The following ATP8B1 variants were observed in gnomAD, a reference collection of about 807,000 sequenced individuals.
ATP8B1 encodes the protein ATPase phospholipid transporting 8B1.
A neutral mutation model predicts 149.9 loss-of-function variants in ATP8B1; 80 were observed. That is an observed-to-expected ratio of 0.53 (90% CI 0.45 to 0.64). ATP8B1 has a LOEUF of 0.64. ATP8B1 is among the 30% of genes least tolerant of loss of function. The probability of loss-of-function intolerance (pLI) is 0.00; values close to 1 mark genes in which losing one functional copy is unlikely to be tolerated. For synonymous variants in ATP8B1, 536 were observed against 562.8 expected (o/e 0.95, Z 0.67); for missense variants, 1,247 against 1,552.6 (o/e 0.80, Z 3.31).
intron 24 of ATP8B1, 86 bp downstream of exon 24, chr18:57,653,906 G>A: frequency 8.3e-7 from 1 of 1,206,260 alleles, no homozygotes; most frequent in Non-Finnish European, 1.2e-6. Context: ...GTAAACACCA[G>A]AAGAATGCAT....
At chr18:57,690,483 A>G (rs1912478233) in intron 12 of ATP8B1, among the ~76,000 whole-genome samples, 1 of 152,230 alleles carries the variant, frequency 6.6e-6, no homozygotes, top group Non-Finnish European at 1.5e-5. Context: ...CACATGACAT[A>G]CCTTTATATA....
At chr18:57,664,288 G>T (rs924013959) in intron 20 of ATP8B1, among the ~76,000 whole-genome samples, 5 of 151,444 alleles carry the variant, frequency 3.3e-5, no homozygotes, top group African/African-American at 4.9e-5. Context: ...GGGCAGATCA[G>T]TCGAGGTCAG....
intron 1 of ATP8B1, among the ~76,000 whole-genome samples, chr18:57,748,043 A>C (rs2079980610): frequency 1.3e-5 from 2 of 152,146 alleles, no homozygotes; most frequent in African/African-American, 4.8e-5. Flanking sequence ...GAACAGGTCA[A>C]ATATAAGGAG....
Position 57,685,204 on chromosome 18 carries a change from G to A in ATP8B1, c.1430-89C>T, listed in dbSNP as rs319459. The A allele has an allele frequency of 1, 1,429,603 of 1,435,686 alleles. 711,885 individuals carry two copies. Among genetic ancestry groups the A allele is most frequent in the Non-Finnish European group, 1 (1,017,546 of 1,017,704 alleles). The allele number at this position is 1,435,686 out of a possible 1,614,324, so 88.9% of individuals were successfully genotyped here. On this transcript the variant is annotated intron_variant, in intron 13 of 27. Transcript: ENST00000648908. The stretch of plus-strand genomic sequence containing the variant: ...TGGCTTTGCTTATATAGTGATGGTG[G>A]TAAGACCATATACGGCCTGGACAGG...
chr18:57,775,010 A>C (rs962629029), intron 1 of ATP8B1, among the ~76,000 whole-genome samples: 10 of 152,154 alleles, frequency 6.6e-5, no homozygotes, highest in African/African-American at 1.7e-4. Flanking sequence ...GGAGATGAGA[A>C]AGAGAAGGAA....
chr18:57,778,273 T>C (rs2080326514), intron 1 of ATP8B1, among the ~76,000 whole-genome samples: 1 of 150,380 alleles, frequency 6.6e-6, no homozygotes, highest in Non-Finnish European at 1.5e-5. Flanking sequence ...TCGCCCAGGC[T>C]GGAGTGCAGT....
At position 57,684,111 on chromosome 18, in the gene ATP8B1, C is replaced by T. The variant is rs763527501; in HGVS notation, c.1555G>A (p.Gly519Arg). The change falls in exon 15 of 28, where the codon GGG becomes AGG. Residue 519 changes from glycine to arginine, a missense_variant. Gly to Arg is a moderately radical substitution (Grantham distance 125). Around this residue, in one of 3 missense-constraint regions of ATP8B1, gnomAD observed 853 missense variants for 1,035.7 expected, o/e 0.82. Transcript: ENST00000648908. ...DHYLIEQIQS[G>R]KEPEVRQFFF... ...AACTGTCGTACTTCTGGCTCTTTCC[C>T]TGACTGGATTTGCTCAATAAGATAG... The T allele has an allele frequency of 1.2e-6, 2 of 1,614,168 alleles. No individual in the cohort carries two copies. The highest frequency in any genetic ancestry group is 2.2e-5 in the South Asian group (2 of 91,080).
In ATP8B1 at chr18:57,694,546, C is replaced by T. The variant is rs319444; in HGVS notation, c.1029+36G>A. 22,069 of 1,338,278 alleles carry T rather than the reference C, an allele frequency of 0.016. 216 individuals carry two copies. Among genetic ancestry groups the T allele is most frequent in the Non-Finnish European group, 0.019 (17,936 of 933,122 alleles). The allele number at this position is 1,338,278 out of a possible 1,614,324, so 82.9% of individuals were successfully genotyped here. ...TAATATTAGTGCAAAAGACAGCAAT[C>T]TAGATGAGAGATCTACTGAGATGAA... On this transcript the variant is annotated intron_variant, in intron 11 of 27. Transcript: ENST00000648908.
At chr18:57,732,197 G>GTGTATATA (rs2079781854) in intron 1 of ATP8B1, among the ~76,000 whole-genome samples, 2 of 37,436 alleles carry the variant, frequency 5.3e-5, no homozygotes, top group Non-Finnish European at 1.1e-4. Flanking sequence ...ATGTATATAT[G>GTGTATATA]TGTATATATG....
rs369552478 is a variant in ATP8B1 at position 57,717,011 on chromosome 18, TAAG to T, written c.182-10427_182-10425del. Reference sequence around the variant, plus strand: ...AATGAGTAAAACTAGAAATCAATAATAAGAGGAATTTTGGAAACTATACAAAAA... The same window carrying T: ...AATGAGTAAAACTAGAAATCAATAATAGGAATTTTGGAAACTATACAAAAA... On this transcript the variant is annotated intron_variant, in intron 2 of 27. Coordinates refer to ENST00000648908, the MANE Select transcript of ATP8B1 (RefSeq NM_001374385.1). Among the ~76,000 whole-genome samples the T allele has an allele frequency of 2.0e-4, 31 of 152,032 alleles. No individual in the cohort carries two copies. In the South Asian group the frequency reaches 6.2e-3, roughly 31 times the overall value.
chr18:57,687,354 T>C (rs1292104857), intron 13 of ATP8B1, among the ~76,000 whole-genome samples: 2 of 152,248 alleles, frequency 1.3e-5, no homozygotes, highest in East Asian at 1.9e-4. Flanking sequence ...CTTTTGTGAC[T>C]GGCTTACTTC....
At chr18:57,764,621 G>A (rs529161452) in intron 1 of ATP8B1, among the ~76,000 whole-genome samples, 1 of 151,806 alleles carries the variant, frequency 6.6e-6, no homozygotes, top group Non-Finnish European at 1.5e-5. Context: ...GTTTTACCAT[G>A]TTAGGCAGGC....
At chr18:57,699,769 C>A (rs1386377887) in intron 6 of ATP8B1, among the ~76,000 whole-genome samples, 3 of 152,076 alleles carry the variant, frequency 2.0e-5, no homozygotes, top group Non-Finnish European at 2.9e-5. Context: ...TCCAGGCTGG[C>A]CTCGAACTCC....
In ATP8B1 at chr18:57,648,720, G is replaced by A; in HGVS notation, c.3532-8C>T. 6.5e-7 allele frequency: 1 copy of A among 1,549,628 alleles called. No homozygotes were observed. The highest frequency in any genetic ancestry group is 2.4e-5 in the East Asian group (1 of 40,918). On this transcript the variant is annotated splice_region_variant and splice_polypyrimidine_tract_variant and intron_variant, in intron 27 of 27. Transcript: ENST00000648908. ...CTTGCGATGCTTCTGGATCTGCAAG[G>A]GGGAGAGATGGGGAGGGATGAAAAT...
intron 11 of ATP8B1, among the ~76,000 whole-genome samples, chr18:57,693,334 C>T (rs1192168769): frequency 6.6e-6 from 1 of 152,200 alleles, no homozygotes. Context: ...CGAAGGCCGG[C>T]TTGCAAGGTT....
chr18:57,665,463 A>AG (rs1218665625), intron 20 of ATP8B1, among the ~76,000 whole-genome samples: 7 of 152,236 alleles, frequency 4.6e-5, no homozygotes, highest in Non-Finnish European at 8.8e-5. Context: ...TCTACAAAAA[A>AG]TAAACAAAGC....
At chr18:57,749,775 C>A (rs190143824) in intron 1 of ATP8B1, among the ~76,000 whole-genome samples, 1 of 152,184 alleles carries the variant, frequency 6.6e-6, no homozygotes, top group Non-Finnish European at 1.5e-5. Flanking sequence ...GTGAGCAAAC[C>A]TTCAGCTGTC....
At chr18:57,767,258 G>A (rs147266804) in intron 1 of ATP8B1, among the ~76,000 whole-genome samples, 69 of 152,244 alleles carry the variant, frequency 4.5e-4, no homozygotes, top group African/African-American at 1.5e-3. Flanking sequence ...GTGGGGAAGG[G>A]GGCAGTTGTA....
intron 20 of ATP8B1, among the ~76,000 whole-genome samples, chr18:57,664,088 AACTG>A (rs1248695139): frequency 1.6e-5 from 2 of 125,224 alleles, no homozygotes; most frequent in African/African-American, 6.1e-5. Flanking sequence ...TTTTTTTTTT[AACTG>A]AGCGACATGT....
Sources: gnomAD v4.1 joint callset for allele counts (sites outside exome capture counted in the v4.1 genomes callset) on GRCh38, gnomAD v4.1.1 for gene constraint, gnomAD v4.1.1 regional missense constraint, MANE v1.5 for transcripts, NCBI Gene and HGNC (gene_info 2026-07-23, HGNC 2026-07-21) for gene names.